Variants in FRMD3 observed in about 807,000 individuals in gnomAD.
The protein encoded by FRMD3 is FERM domain-containing protein 3.
Under a neutral mutation model 70.2 loss-of-function variants are expected in FRMD3, and 33 were observed. That is an observed-to-expected ratio of 0.47 (90% CI 0.36 to 0.63). The LOEUF is 0.63. Among genes scored for constraint, FRMD3 ranks in the 20% least tolerant of loss-of-function variants. The probability of loss-of-function intolerance (pLI) is 0.00; values close to 1 mark genes in which losing one functional copy is unlikely to be tolerated. For synonymous variants in FRMD3, 279 were observed against 255.9 expected (o/e 1.09, Z -0.86); for missense variants, 632 against 711.4 (o/e 0.89, Z 1.27).
At chr9:83,584,693 G>C in the FRMD3 span, among the ~76,000 whole-genome samples, 1 of 152,118 alleles carries the variant, frequency 6.6e-6, no homozygotes, top group African/African-American at 2.4e-5. Context: ...TTCTCCTTGA[G>C]AAACAATAAG....
intron 2 of FRMD3, among the ~76,000 whole-genome samples, chr9:83,383,203 C>T (rs943438573): frequency 8.5e-5 from 13 of 152,200 alleles, no homozygotes; most frequent in East Asian, 3.9e-4. Context: ...AGCTAAACAC[C>T]GCTGAGTGAT....
intron 12 of FRMD3, chr9:83,297,505 T>C (rs1158116003): frequency 1.0e-5 from 3 of 286,446 alleles, no homozygotes; most frequent in South Asian, 3.6e-5. Flanking sequence ...AACTAGGCAA[T>C]CCCTGAGGTC....
At chr9:83,405,737 C>T (rs1160057297) in intron 1 of FRMD3, among the ~76,000 whole-genome samples, 6 of 150,112 alleles carry the variant, frequency 4.0e-5, no homozygotes, top group African/African-American at 9.9e-5. Context: ...ACTCCAGCCT[C>T]GGCAACAAGA....
chr9:83,248,375 A>C lies in FRMD3; in HGVS notation c.1337T>G (p.Val446Gly). 1.2e-6 allele frequency: 2 copies of C among 1,614,122 alleles called. No individual in the cohort carries two copies. Among genetic ancestry groups the C allele is most frequent in the Non-Finnish European group, 1.7e-6 (2 of 1,179,994 alleles). The change falls in exon 14 of 14, where the codon GTG (valine) becomes GGG (glycine). Residue 446 changes from valine (V) to glycine (G), a missense_variant. This residue lies in a region of FRMD3 where 418 missense variants were observed against 442.1 expected (regional missense o/e 0.95). Transcript: ENST00000304195. ...GAGCAGGCTGGCACTTGGGTTGTAC[A>C]CTAGTTCAGAGATGGTTAAAGGTTC... The part of the protein sequence containing the change: ...KEEPLTISEL[V>G]YNPSASLLPT...
intron 1 of FRMD3, among the ~76,000 whole-genome samples, chr9:83,459,819 T>C (rs1437755305): frequency 6.6e-6 from 1 of 152,216 alleles, no homozygotes; most frequent in Non-Finnish European, 1.5e-5. Context: ...TTCTCACAGT[T>C]CTGGAGACTA....
At chr9:83,367,395 T>C (rs1349122833) in intron 3 of FRMD3, among the ~76,000 whole-genome samples, 2 of 152,178 alleles carry the variant, frequency 1.3e-5, no homozygotes, top group Admixed American at 6.5e-5. Context: ...CCACCCCATC[T>C]CTTTCCCTGA....
At chr9:83,433,330 A>G (rs763161318) in intron 1 of FRMD3, among the ~76,000 whole-genome samples, 49 of 152,342 alleles carry the variant, frequency 3.2e-4, no homozygotes, top group Admixed American at 2.7e-3. Flanking sequence ...AGGGATCATA[A>G]CGGAAGCAGG....
At chr9:83,463,753 T>A (rs1215174575) in intron 1 of FRMD3, among the ~76,000 whole-genome samples, 1 of 152,210 alleles carries the variant, frequency 6.6e-6, no homozygotes, top group Non-Finnish European at 1.5e-5. Context: ...TGCAACATTA[T>A]TGACAAAGCA....
intron 1 of FRMD3, among the ~76,000 whole-genome samples, chr9:83,443,511 G>A (rs1429594461): frequency 6.6e-6 from 1 of 152,188 alleles, no homozygotes; most frequent in Non-Finnish European, 1.5e-5. Flanking sequence ...TGGTGCATAT[G>A]TGCCATATTT....
intron 13 of FRMD3, among the ~76,000 whole-genome samples, chr9:83,258,563 A>G (rs752787533): frequency 1.4e-4 from 22 of 152,244 alleles, no homozygotes; most frequent in African/African-American, 5.1e-4. Context: ...ACTATCTCAC[A>G]AGGCTGTGGA....
At chr9:83,430,342 C>A (rs1239946684) in intron 1 of FRMD3, among the ~76,000 whole-genome samples, 1 of 152,172 alleles carries the variant, frequency 6.6e-6, no homozygotes. Context: ...GTAGAAGCTC[C>A]ATTTGGTGGA....
chr9:83,479,130 G>A (rs1196863366), intron 1 of FRMD3, among the ~76,000 whole-genome samples: 5 of 151,964 alleles, frequency 3.3e-5, no homozygotes, highest in Non-Finnish European at 1.5e-5. Flanking sequence ...CATGTCACAG[G>A]AGAGGAAACA....
chr9:83,552,399 G>A, the FRMD3 span, among the ~76,000 whole-genome samples: 1 of 152,096 alleles, frequency 6.6e-6, no homozygotes, highest in Non-Finnish European at 1.5e-5. Context: ...CAATTATGTG[G>A]TCAATTTAAG....
chr9:83,454,224 T>C (rs962498511), intron 1 of FRMD3, among the ~76,000 whole-genome samples: 1 of 152,220 alleles, frequency 6.6e-6, no homozygotes, highest in African/African-American at 2.4e-5. Context: ...CACACTCCTT[T>C]CATTCTATGT....
chr9:83,336,366 G>A (rs1392989841), intron 5 of FRMD3, among the ~76,000 whole-genome samples: 1 of 151,364 alleles, frequency 6.6e-6, no homozygotes. Flanking sequence ...CCCCGCCCCA[G>A]TATTTCCAAA....
intron 13 of FRMD3, among the ~76,000 whole-genome samples, chr9:83,259,136 T>C (rs1289001804): frequency 6.6e-6 from 1 of 152,196 alleles, no homozygotes; most frequent in Non-Finnish European, 1.5e-5. Context: ...CATGCTGAAA[T>C]GTGTAGGAGA....
intron 1 of FRMD3, among the ~76,000 whole-genome samples, chr9:83,451,497 G>A (rs940588812): frequency 6.6e-6 from 1 of 152,070 alleles, no homozygotes; most frequent in African/African-American, 2.4e-5. Context: ...GCGATTGTCT[G>A]CAAAACACTG....
chr9:83,569,221 G>A, the FRMD3 span, among the ~76,000 whole-genome samples: 4 of 152,166 alleles, frequency 2.6e-5, no homozygotes, highest in African/African-American at 7.2e-5. Context: ...GCTCAGGTAC[G>A]ATACTCTGCT....
At chr9:83,437,289 T>C (rs926991401) in intron 1 of FRMD3, among the ~76,000 whole-genome samples, 4 of 152,220 alleles carry the variant, frequency 2.6e-5, no homozygotes, top group African/African-American at 9.6e-5. Context: ...TTTATCACCT[T>C]ATGTCCATTA....
Sources: gnomAD v4.1 joint callset for allele counts (sites outside exome capture counted in the v4.1 genomes callset) on GRCh38, gnomAD v4.1.1 for gene constraint, gnomAD v4.1.1 regional missense constraint, MANE v1.5 for transcripts, NCBI Gene and HGNC (gene_info 2026-07-23, HGNC 2026-07-21) for gene names.